The following P2RY12 variants were observed in gnomAD, a reference collection of about 807,000 sequenced individuals.
The protein encoded by P2RY12 is purinergic receptor P2Y12.
A neutral mutation model predicts 4.5 loss-of-function variants in P2RY12; 3 were observed. The observed-to-expected ratio is 0.67, with a 90% CI of 0.31 to 1.74. The LOEUF (loss-of-function observed/expected upper bound fraction) is 1.74, where lower values mean the gene tolerates loss of function less well. Among genes scored for constraint, P2RY12 ranks in the 40% most tolerant of loss-of-function variants. The pLI is 0.09. For synonymous variants in P2RY12, 148 were observed against 154.1 expected, an observed-to-expected ratio of 0.96 and a Z score of 0.29; for missense variants, 356 against 407.8, an observed-to-expected ratio of 0.87 and a Z score of 1.09.
At chr3:151,351,461 A>C (rs1223004339) in intron 1 of P2RY12, among the ~76,000 whole-genome samples, 2 of 152,294 alleles carry the variant, frequency 1.3e-5, no homozygotes, top group East Asian at 3.9e-4. Flanking sequence ...AGCAACCAAG[A>C]GTTGTGGAAG....
At chr3:151,371,511 TTCCTC>T (rs1466946381) in intron 1 of P2RY12, among the ~76,000 whole-genome samples, 1 of 152,248 alleles carries the variant, frequency 6.6e-6, no homozygotes, top group Non-Finnish European at 1.5e-5. Context: ...ACATTATTTA[TTCCTC>T]TCCTCTGCTT....
chr3:151,372,020 A>G (rs528133891), intron 1 of P2RY12, among the ~76,000 whole-genome samples: 17 of 152,308 alleles, frequency 1.1e-4, no homozygotes, highest in African/African-American at 4.1e-4. Context: ...TGAATGCCCT[A>G]CTTTTCAGGG....
chr3:151,380,673 T>C (rs186214300), intron 1 of P2RY12, among the ~76,000 whole-genome samples: 138 of 151,992 alleles, frequency 9.1e-4, no homozygotes, highest in Middle Eastern at 3.5e-3. Context: ...CCATGCCTTA[T>C]TCTTCTACCT....
rs376549148 is a variant in P2RY12 at position 151,367,780 on chromosome 3, C to A, written c.-180+16912G>T. On this transcript the variant is annotated intron_variant, in intron 1 of 2. Transcript: ENST00000302632. ...TTCTAGCAGCAGGTAAGGCAGCATCCATGAACATCCGTTGCTCTTTGATTG... is the reference window on the plus strand; with the variant it reads ...TTCTAGCAGCAGGTAAGGCAGCATCAATGAACATCCGTTGCTCTTTGATTG... 3 of 1,594,576 alleles carry A rather than the reference C, an allele frequency of 1.9e-6. No individual in the cohort carries two copies. The African/African-American group carries it at 4.0e-5, about 21-fold the overall frequency.
At chr3:151,366,045 G>C in intron 1 of P2RY12, 1 of 1,369,522 alleles carries the variant, frequency 7.3e-7, no homozygotes, top group Non-Finnish European at 9.6e-7. Flanking sequence ...TATTTAGTTA[G>C]TGGGTAATCT....
intron 1 of P2RY12, chr3:151,355,118 T>C (rs765399485): frequency 5.6e-6 from 9 of 1,605,160 alleles, no homozygotes; most frequent in South Asian, 1.1e-5. Flanking sequence ...TATGTTTATG[T>C]AGTTGGGGAC....
chr3:151,341,725 C>A (rs1394896937), intron 1 of P2RY12, among the ~76,000 whole-genome samples: 1 of 151,738 alleles, frequency 6.6e-6, no homozygotes, highest in Non-Finnish European at 1.5e-5. Flanking sequence ...TATCCCTCCC[C>A]CATCCCCCCA....
At chr3:151,339,078 G>A (rs909246269) in intron 2 of P2RY12, among the ~76,000 whole-genome samples, 2 of 152,118 alleles carry the variant, frequency 1.3e-5, no homozygotes, top group African/African-American at 2.4e-5. Context: ...AGTACAATAT[G>A]TGAAGTTATA....
chr3:151,355,022 T>C (rs1447413194), intron 1 of P2RY12: 4 of 819,272 alleles, frequency 4.9e-6, no homozygotes, highest in Non-Finnish European at 8.2e-6. Context: ...TTTGTGCACT[T>C]TTCTGTATGT....
At chr3:151,355,080 T>C (rs1283704263) in intron 1 of P2RY12, 1 of 1,463,814 alleles carries the variant, frequency 6.8e-7, no homozygotes, top group South Asian at 1.2e-5. Context: ...CGAGAGCTTC[T>C]ATTAAATGGA....
chr3:151,381,520 AT>A (rs2108127223), intron 1 of P2RY12, among the ~76,000 whole-genome samples: 1 of 152,206 alleles, frequency 6.6e-6, no homozygotes, highest in African/African-American at 2.4e-5. Flanking sequence ...GCAAATTCTC[AT>A]TTCAGTGCCT....
chr3:151,377,702 AG>A (rs1711511231), intron 1 of P2RY12, among the ~76,000 whole-genome samples: 1 of 152,188 alleles, frequency 6.6e-6, no homozygotes, highest in Admixed American at 6.5e-5. Flanking sequence ...GTGACAGAAA[AG>A]TATATTGTTT....
At chr3:151,352,272 A>G (rs1197582694) in intron 1 of P2RY12, among the ~76,000 whole-genome samples, 1 of 152,214 alleles carries the variant, frequency 6.6e-6, no homozygotes, top group African/African-American at 2.4e-5. Context: ...TCAAAGTTTC[A>G]TATTTTGGAG....
chr3:151,338,724 A>G lies in P2RY12; in HGVS notation c.122T>C (p.Ile41Thr), dbSNP rs1258199474. ...AATCCTCATCGCCAGGCCATTTGTG[A>G]TAAGTCCAACAAAAAACAGGACAGT... Reference protein sequence around the residue: ...LYTVLFFVGLITNGLAMRIFF... With the variant: ...LYTVLFFVGLTTNGLAMRIFF... Residue 41 changes from isoleucine (I) to threonine (T), a missense_variant, in exon 3 of 3, where the codon ATC becomes ACC. Ile to Thr is a moderately conservative substitution (Grantham distance 89). Coordinates refer to ENST00000302632, the MANE Select transcript of P2RY12 (RefSeq NM_022788.5). 3 of 1,613,528 alleles carry G rather than the reference A, an allele frequency of 1.9e-6. No homozygotes were observed. Among genetic ancestry groups the G allele is most frequent in the Non-Finnish European group, 2.5e-6 (3 of 1,179,836 alleles).
intron 1 of P2RY12, chr3:151,383,984 G>T: frequency 1.3e-6 from 2 of 1,483,904 alleles, no homozygotes; most frequent in East Asian, 2.4e-5. Context: ...TTATTTACTT[G>T]GATGCTATTA....
rs1310598167 is a variant in P2RY12, at chr3:151,350,303, G to A, written c.-179-9543C>T. ...AGTGTTCTATGTCACTGTCAACAGA[G>A]CGTTTCCCCTCCTGAATGACTCTCA... On this transcript the variant is annotated intron_variant, in intron 1 of 2. Transcript: ENST00000302632. The A allele has an allele frequency of 7.6e-6, 9 of 1,177,900 alleles. No individual in the cohort carries two copies. The East Asian group carries it at 2.3e-4, about 30-fold the overall frequency. The allele number at this position is 1,177,900 out of a possible 1,614,324, so 73.0% of individuals were successfully genotyped here.
chr3:151,381,025 C>A (rs1174488883), intron 1 of P2RY12, among the ~76,000 whole-genome samples: 1 of 152,234 alleles, frequency 6.6e-6, no homozygotes, highest in African/African-American at 2.4e-5. Context: ...ATTGCCTTTT[C>A]ACCAAACACA....
At chr3:151,359,353 G>C (rs1276717617) in intron 1 of P2RY12, among the ~76,000 whole-genome samples, 1 of 152,108 alleles carries the variant, frequency 6.6e-6, no homozygotes, top group African/African-American at 2.4e-5. Context: ...TGACACTTTT[G>C]TTCTAATTGG....
intron 1 of P2RY12, among the ~76,000 whole-genome samples, chr3:151,379,572 A>G (rs1054931049): frequency 1.3e-5 from 2 of 152,160 alleles, no homozygotes; most frequent in Admixed American, 6.5e-5. Context: ...CAGCAAGTAC[A>G]CTGTTTTTGG....
Sources: allele counts gnomAD v4.1 joint callset (sites outside exome capture counted in the v4.1 genomes callset), GRCh38; gene constraint gnomAD v4.1.1; transcripts MANE v1.5; gene names NCBI Gene and HGNC (gene_info 2026-07-23, HGNC 2026-07-21).